The following RTN4RL1 variants were observed in gnomAD, a reference collection of about 807,000 sequenced individuals.
RTN4RL1 encodes reticulon 4 receptor like 1.
A neutral mutation model predicts 25.6 loss-of-function variants in RTN4RL1; 7 were observed. That is an observed-to-expected ratio of 0.27 (90% CI 0.16 to 0.51). The LOEUF (loss-of-function observed/expected upper bound fraction) is 0.51, where lower values mean the gene tolerates loss of function less well. Among genes scored for constraint, RTN4RL1 ranks in the 20% least tolerant of loss-of-function variants. The pLI is 0.97. For missense variants in RTN4RL1, 500 were observed against 615.6 expected (o/e 0.81, Z 1.99); for synonymous variants, 297 against 288.2 (o/e 1.03, Z -0.31).
chr17:1,952,586 A>T (rs958228726), intron 1 of RTN4RL1, among the ~76,000 whole-genome samples: 1 of 149,788 alleles, frequency 6.7e-6, no homozygotes, highest in Non-Finnish European at 1.5e-5. Flanking sequence ...CTCGTGATCC[A>T]CCCGCCTCAG....
chr17:1,958,026 AT>A (rs1915825080), intron 1 of RTN4RL1, among the ~76,000 whole-genome samples: 1 of 151,824 alleles, frequency 6.6e-6, no homozygotes, highest in South Asian at 2.1e-4. Flanking sequence ...AACTAAAAAA[AT>A]AAAAAATAAA....
rs1319579990 is a variant in RTN4RL1 at position 1,994,248 on chromosome 17, C to T, written c.13+30605G>A. Among the ~76,000 whole-genome samples the T allele has an allele frequency of 1.3e-5, 2 of 152,106 alleles. No homozygotes were observed. The highest frequency in any genetic ancestry group is 4.8e-5 in the African/African-American group (2 of 41,490). ...TGGGCAAGAGCTGGGGAGGACAAAG[C>T]GGCTTTCACTCCATCCCTTATGGGG... On this transcript the variant is annotated intron_variant, in intron 1 of 1. Coordinates refer to ENST00000331238, the MANE Select transcript of RTN4RL1 (RefSeq NM_178568.4). This position sits in a 1 kb window ranked among gnomAD's most constrained non-coding sequence, Gnocchi z 4.3.
intron 1 of RTN4RL1, among the ~76,000 whole-genome samples, chr17:2,013,086 G>A (rs375963163): frequency 1.6e-4 from 25 of 152,282 alleles, no homozygotes; most frequent in Non-Finnish European, 2.8e-4. Flanking sequence ...GAGCCACTGC[G>A]CCCGGCCTGC....
chr17:1,977,746 C>T (rs1218008769), intron 1 of RTN4RL1, among the ~76,000 whole-genome samples: 2 of 152,132 alleles, frequency 1.3e-5, no homozygotes, highest in African/African-American at 4.8e-5. Context: ...CCATCCCGGC[C>T]CTCACCGAGG....
intron 1 of RTN4RL1, among the ~76,000 whole-genome samples, chr17:1,986,116 G>C (rs1301818446): frequency 2.6e-5 from 4 of 152,014 alleles, no homozygotes; most frequent in East Asian, 1.9e-4. Context: ...TGGTGGAAGA[G>C]AGCCATCTCC....
At chr17:2,002,263 CTT>C (rs1395528730) in intron 1 of RTN4RL1, among the ~76,000 whole-genome samples, 14 of 143,940 alleles carry the variant, frequency 9.7e-5, no homozygotes, top group South Asian at 2.3e-4. Flanking sequence ...TTTCTTTTTT[CTT>C]TCTCTCTTTC....
rs911804844 is a variant in RTN4RL1 at position 1,936,833 on chromosome 17, T to C, written c.989A>G (p.His330Arg). The change falls in exon 2 of 2, where the codon CAC becomes CGC. Residue 330 changes from histidine (H) to arginine (R), a missense_variant. Physicochemically the swap from His to Arg is conservative, Grantham distance 29 (BLOSUM62 0). Around this residue, in one of 2 missense-constraint regions of RTN4RL1, gnomAD observed 268 missense variants for 274.5 expected, o/e 0.98. Transcript: ENST00000331238. ...GCTCCTGGTGGGGCCGTGGGGTGAG[T>C]GGTGTTCCTTGCGGGCGGCCCTGTC... ...TTDRAARKEH[H>R]SPHGPTRSKG... The C allele has an allele frequency of 1.9e-6, 3 of 1,583,916 alleles. No homozygotes were observed. The highest frequency in any genetic ancestry group is 2.6e-6 in the Non-Finnish European group (3 of 1,166,240).
chr17:1,963,162 G>C (rs2066773700), intron 1 of RTN4RL1, among the ~76,000 whole-genome samples: 1 of 152,160 alleles, frequency 6.6e-6, no homozygotes, highest in African/African-American at 2.4e-5. Context: ...CTAGGAGGAA[G>C]GCAGAGCTGG....
rs904738684 is a variant in RTN4RL1, at chr17:1,998,049, G to A, written c.13+26804C>T. Among the ~76,000 whole-genome samples the A allele has an allele frequency of 8.6e-5, 13 of 151,682 alleles. No homozygotes were observed. The highest frequency in any genetic ancestry group is 1.2e-4 in the Non-Finnish European group (8 of 67,866). On this transcript the variant is annotated intron_variant, in intron 1 of 1. Transcript: ENST00000331238. This position sits in a 1 kb window ranked among gnomAD's most constrained non-coding sequence, Gnocchi z 4.9. ...GCGCCCCACCCCCACCCCCGCCTCC[G>A]CCCCAGGCCGCGATCGATCCCGGCC...
chr17:1,980,926 C>CAAAAAAAAAAAAAAAAAAA (rs71723916), intron 1 of RTN4RL1, among the ~76,000 whole-genome samples: 7 of 87,118 alleles, frequency 8.0e-5, no homozygotes, highest in Admixed American at 2.7e-4. Context: ...GATTCTATCT[C>CAAAAAAAAAAAAAAAAAAA]AAAAAAAAAA....
chr17:1,995,476 C>T (rs1374508057), intron 1 of RTN4RL1: 1 of 151,830 alleles, frequency 6.6e-6, no homozygotes, highest in Non-Finnish European at 1.5e-5. Context: ...CCTCTACAGC[C>T]AGGAGGGCCT....
At chr17:2,003,719 CG>C (rs2066974230) in intron 1 of RTN4RL1, 1 of 152,350 alleles carries the variant, frequency 6.6e-6, no homozygotes, top group South Asian at 2.1e-4. Flanking sequence ...GCGCAATCTA[CG>C]GAAGCAGCAG....
chr17:2,009,575 G>T (rs1378569877), intron 1 of RTN4RL1, among the ~76,000 whole-genome samples: 3 of 113,376 alleles, frequency 2.6e-5, no homozygotes, highest in African/African-American at 3.6e-5. Flanking sequence ...CTGGGCGACA[G>T]AGCAAGACTC....
intron 1 of RTN4RL1, among the ~76,000 whole-genome samples, chr17:1,939,265 A>T (rs1915389022): frequency 6.6e-6 from 1 of 151,968 alleles, no homozygotes; most frequent in African/African-American, 2.4e-5. Flanking sequence ...AGGCAGGAGA[A>T]TAGCGTGAAC....
In RTN4RL1 at chr17:1,993,612, T is replaced by C. The variant is rs147972572; in HGVS notation, c.13+31241A>G. On this transcript the variant is annotated intron_variant, in intron 1 of 1. Transcript: ENST00000331238. Reference sequence around the variant, plus strand: ...TAATATATGTAAAGTGTCTGGCACATAGTAACGGTTCAATAAAGCATCCGT... The same window carrying C: ...TAATATATGTAAAGTGTCTGGCACACAGTAACGGTTCAATAAAGCATCCGT... 3.0e-4 allele frequency among the ~76,000 whole-genome samples: 46 copies of C among 152,254 alleles called. No homozygotes were observed. The East Asian group carries it at 7.3e-3, about 24-fold the overall frequency.
At chr17:1,986,570 C>T (rs1051673397) in intron 1 of RTN4RL1, among the ~76,000 whole-genome samples, 2 of 152,026 alleles carry the variant, frequency 1.3e-5, no homozygotes, top group African/African-American at 4.8e-5. Context: ...CACGTGAAGT[C>T]GGAGGCAGAG....
intron 1 of RTN4RL1, among the ~76,000 whole-genome samples, chr17:2,008,745 T>G (rs1037854687): frequency 1.3e-5 from 2 of 152,112 alleles, no homozygotes; most frequent in Non-Finnish European, 2.9e-5. Flanking sequence ...AAGCACGGGT[T>G]GTCGCGTTGC....
intron 1 of RTN4RL1, among the ~76,000 whole-genome samples, chr17:2,002,004 A>ATTTTTTT (rs11457997): frequency 6.9e-6 from 1 of 145,828 alleles, no homozygotes. Context: ...TGCTTAAAGG[A>ATTTTTTT]TTTTTTTTTT....
chr17:1,955,878 A>T (rs1915783576), intron 1 of RTN4RL1, among the ~76,000 whole-genome samples: 1 of 152,080 alleles, frequency 6.6e-6, no homozygotes, highest in Non-Finnish European at 1.5e-5. Flanking sequence ...AATAATTATT[A>T]TTGAATTAAA....
Sources: allele counts gnomAD v4.1 joint callset (sites outside exome capture counted in the v4.1 genomes callset), GRCh38; gene constraint gnomAD v4.1.1; regional missense constraint gnomAD v4.1.1; non-coding constraint Gnocchi (gnomAD v3.1); transcripts MANE v1.5; gene names NCBI Gene and HGNC (gene_info 2026-07-23, HGNC 2026-07-21).